DPYS: variants seen among roughly 807,000 people sequenced by gnomAD.
DPYS encodes the protein dihydropyrimidinase, also known as dihydropyrimidine amidohydrolase.
DPYS carries 39 observed loss-of-function variants against 50.3 expected under a neutral mutation model. The ratio of observed to expected loss-of-function variants is 0.78; its 90% CI spans 0.60 to 1.01. The LOEUF (loss-of-function observed/expected upper bound fraction) is 1.01. DPYS is among the 50% of genes least tolerant of loss of function. DPYS has a pLI of 0.00. For missense variants in DPYS, 659 were observed against 680.9 expected (o/e 0.97, Z 0.36); for synonymous variants, 245 against 250.7 (o/e 0.98, Z 0.22).
At chr8:104,391,432 A>T (rs1407155724) in intron 8 of DPYS, among the ~76,000 whole-genome samples, 1 of 152,230 alleles carries the variant, frequency 6.6e-6, no homozygotes, top group Non-Finnish European at 1.5e-5. Flanking sequence ...CCTCCTAGCT[A>T]GGGGCCTGCC....
intron 7 of DPYS, among the ~76,000 whole-genome samples, chr8:104,397,848 C>A (rs1371020268): frequency 6.6e-6 from 1 of 152,134 alleles, no homozygotes; most frequent in Non-Finnish European, 1.5e-5. Context: ...ATATTTGTAA[C>A]CCTGCCATCA....
At chr8:104,401,235 C>T (rs1811794658) in intron 7 of DPYS, among the ~76,000 whole-genome samples, 1 of 151,810 alleles carries the variant, frequency 6.6e-6, no homozygotes, top group African/African-American at 2.4e-5. Flanking sequence ...TGTGTGATGC[C>T]TTATGTATTC....
At chr8:104,397,511 A>T (rs2140532302) in intron 7 of DPYS, among the ~76,000 whole-genome samples, 1 of 152,282 alleles carries the variant, frequency 6.6e-6, no homozygotes, top group South Asian at 2.1e-4. Flanking sequence ...TGAGAGGTAA[A>T]CATCCAGCCC....
At chr8:104,462,406 T>C (rs1814203672) in intron 1 of DPYS, among the ~76,000 whole-genome samples, 1 of 152,186 alleles carries the variant, frequency 6.6e-6, no homozygotes. Context: ...TAATCACACT[T>C]ACCTGCTTAA....
chr8:104,385,885 C>T (rs1811198375), intron 8 of DPYS, among the ~76,000 whole-genome samples: 2 of 152,220 alleles, frequency 1.3e-5, no homozygotes, highest in Admixed American at 1.3e-4. Context: ...TCTTGGACTT[C>T]ATAGCATCCT....
At chr8:104,452,971 C>T (rs1317699810) in intron 1 of DPYS, among the ~76,000 whole-genome samples, 1 of 152,156 alleles carries the variant, frequency 6.6e-6, no homozygotes, top group Admixed American at 6.5e-5. Context: ...GTTACCTCAT[C>T]ACCAGAAATG....
intron 1 of DPYS, among the ~76,000 whole-genome samples, chr8:104,457,086 T>C (rs147570930): frequency 2.2e-4 from 34 of 152,360 alleles, no homozygotes; most frequent in African/African-American, 8.2e-4. Flanking sequence ...TAAAGTTTAA[T>C]TTATTACTGG....
chr8:104,387,601 T>G lies in DPYS; in HGVS notation c.1443+5183A>C, dbSNP rs190423462. ...GGCTTTGGAGGTAGACAAACCTGGG[T>G]TTGAGTCCCAACACTGCCACTTGGT... On this transcript the variant is annotated intron_variant, in intron 8 of 9. Coordinates refer to ENST00000351513, the MANE Select transcript of DPYS (RefSeq NM_001385.3). Among the ~76,000 whole-genome samples the G allele has an allele frequency of 2.3e-3, 357 of 152,252 alleles. 4 individuals are homozygous for G. Among genetic ancestry groups the G allele is most frequent in the African/African-American group, 8.1e-3 (338 of 41,548 alleles).
rs575536697 is a variant in DPYS at position 104,434,822 on chromosome 8, T to C, written c.794-5121A>G. Among the ~76,000 whole-genome samples, 14 of 152,286 alleles carry C rather than the reference T, an allele frequency of 9.2e-5. No individual in the cohort carries two copies. The South Asian group carries it at 2.9e-3, about 32-fold the overall frequency. On this transcript the variant is annotated intron_variant, in intron 4 of 9. Coordinates refer to ENST00000351513, the MANE Select transcript of DPYS (RefSeq NM_001385.3). ...TTGTTACGTTCAAATGAGCATCATA[T>C]TTTTACCCTAAAGAAAGGAACATGG...
chr8:104,416,049 C>A (rs895032205), intron 7 of DPYS, among the ~76,000 whole-genome samples: 5 of 152,102 alleles, frequency 3.3e-5, no homozygotes, highest in Non-Finnish European at 7.4e-5. Context: ...TAAATATCAT[C>A]ATCATGCCCA....
At chr8:104,462,131 T>C (rs1442400078) in intron 1 of DPYS, among the ~76,000 whole-genome samples, 2 of 152,196 alleles carry the variant, frequency 1.3e-5, no homozygotes, top group Non-Finnish European at 2.9e-5. Context: ...ATGATAAGTA[T>C]ATATTGTTTT....
At chr8:104,400,974 C>T (rs533374249) in intron 7 of DPYS, among the ~76,000 whole-genome samples, 1 of 152,342 alleles carries the variant, frequency 6.6e-6, no homozygotes, top group African/African-American at 2.4e-5. Flanking sequence ...GAGATAGCAA[C>T]ACCACCCATA....
At chr8:104,460,403 T>A (rs1340580438) in intron 1 of DPYS, among the ~76,000 whole-genome samples, 1 of 152,190 alleles carries the variant, frequency 6.6e-6, no homozygotes, top group Admixed American at 6.5e-5. Flanking sequence ...CATGTGAATA[T>A]GTGCTTGCTT....
chr8:104,427,200 CAAAAA>C (rs1269273453), intron 6 of DPYS, among the ~76,000 whole-genome samples: 1 of 57,802 alleles, frequency 1.7e-5, no homozygotes. Context: ...GACTCCGTCT[CAAAAA>C]AAAAAAAAAA....
chr8:104,432,621 A>G (rs575660294), intron 4 of DPYS, among the ~76,000 whole-genome samples: 2 of 152,366 alleles, frequency 1.3e-5, no homozygotes, highest in Admixed American at 6.5e-5. Flanking sequence ...AAAAGAATTG[A>G]GAAGGCAAAT....
At position 104,447,326 on chromosome 8, in the gene DPYS, C is replaced by T. The variant is rs753548617; in HGVS notation, c.601G>A (p.Glu201Lys). 1.9e-5 allele frequency: 30 copies of T among 1,614,022 alleles called. No individual in the cohort carries two copies. In the East Asian group the frequency reaches 6.2e-4, roughly 34 times the overall value. ...AGCTTTGGAATGCAAATGCGTACCT[C>T]TGCAATTAAGTCTCCATTTTCCGCA... The part of the protein sequence containing the change: ...VHAENGDLIA[E>K]GAKKMLALGI... The change falls in exon 3 of 10, where the codon GAG becomes AAG. Residue 201 changes from glutamate to lysine, a missense_variant and splice_region_variant. Coordinates refer to ENST00000351513, the MANE Select transcript of DPYS (RefSeq NM_001385.3).
chr8:104,401,993 C>T (rs1472481574), intron 7 of DPYS, among the ~76,000 whole-genome samples: 1 of 152,162 alleles, frequency 6.6e-6, no homozygotes, highest in Non-Finnish European at 1.5e-5. Context: ...TACCGGTGCT[C>T]AGTAGATGAC....
chr8:104,455,088 T>C (rs1484978867), intron 1 of DPYS, among the ~76,000 whole-genome samples: 1 of 152,110 alleles, frequency 6.6e-6, no homozygotes, highest in Non-Finnish European at 1.5e-5. Context: ...CATGTATACC[T>C]ATGTAACAAA....
At chr8:104,419,872 ATTC>A (rs1391623913) in intron 7 of DPYS, 3 of 152,230 alleles carry the variant, frequency 2.0e-5, no homozygotes, top group Admixed American at 2.0e-4. Context: ...TAAAGCATGG[ATTC>A]TAGTTAATAA....
Sources: gnomAD v4.1 joint callset for allele counts (sites outside exome capture counted in the v4.1 genomes callset) on GRCh38, gnomAD v4.1.1 for gene constraint, MANE v1.5 for transcripts, NCBI Gene and HGNC (gene_info 2026-07-23, HGNC 2026-07-21) for gene names.